TRIM35: variants seen among roughly 807,000 people sequenced by gnomAD.
TRIM35 encodes the protein E3 ubiquitin-protein ligase TRIM35.
In TRIM35, 37 loss-of-function variants were observed where a neutral mutation model predicts 49.1. The observed-to-expected ratio is 0.75, with a 90% CI of 0.58 to 0.99. The LOEUF (loss-of-function observed/expected upper bound fraction) is 0.99. TRIM35 is among the 50% of genes least tolerant of loss of function. The probability of loss-of-function intolerance (pLI) is 0.00; values close to 1 mark genes in which losing one functional copy is unlikely to be tolerated. For synonymous variants in TRIM35, 302 were observed against 289.3 expected (o/e 1.04, Z -0.45); for missense variants, 648 against 702.7 (o/e 0.92, Z 0.88).
chr8:27,296,551 C>T (rs947897603), intron 2 of TRIM35, among the ~76,000 whole-genome samples: 1 of 152,182 alleles, frequency 6.6e-6, no homozygotes, highest in Non-Finnish European at 1.5e-5. Context: ...TTACCCTTAG[C>T]CTCAGCAAAA....
At chr8:27,297,558 C>A (rs1802595143) in intron 2 of TRIM35, among the ~76,000 whole-genome samples, 1 of 152,076 alleles carries the variant, frequency 6.6e-6, no homozygotes, top group African/African-American at 2.4e-5. Flanking sequence ...AGATAACTGG[C>A]AATAGTGTGC....
rs755173988 is a variant in TRIM35, at chr8:27,298,453, C to T, written c.531+11G>A. On this transcript the variant is annotated intron_variant, in intron 2 of 5. Transcript: ENST00000305364. ...ACCCAATCTTCCCACTTGGCCCCATCGTTCGCTCACCTGATTGTGCTTGGC... is the reference window on the plus strand; with the variant it reads ...ACCCAATCTTCCCACTTGGCCCCATTGTTCGCTCACCTGATTGTGCTTGGC... The T allele has an allele frequency of 5.0e-6, 8 of 1,613,666 alleles. 1 individual carries two copies. The East Asian group carries it at 6.7e-5, about 13-fold the overall frequency.
Position 27,294,368 on chromosome 8 carries a change from A to G in TRIM35, c.532-58T>C, listed in dbSNP as rs1410114409. ...GATGTGGAGAGGACATCCATAGCCC[A>G]GCAACTTTCCCATTTTTAGCAAAGG... On this transcript the variant is annotated intron_variant, in intron 2 of 5. Transcript: ENST00000305364. 4.6e-6 allele frequency: 7 copies of G among 1,512,472 alleles called. No individual in the cohort carries two copies. In the Admixed American group the frequency reaches 1.3e-4, roughly 28 times the overall value. The allele number at this position is 1,512,472 out of a possible 1,614,324, so 93.7% of individuals were successfully genotyped here. A position where few individuals can be genotyped will look rare whatever the true frequency, so the allele number is the denominator to read the frequency against.
intron 1 of TRIM35, among the ~76,000 whole-genome samples, chr8:27,304,557 T>C (rs1184990341): frequency 1.3e-5 from 2 of 152,230 alleles, no homozygotes; most frequent in African/African-American, 4.8e-5. Flanking sequence ...TTCTCTTTCC[T>C]GAGGGCAGGT....
intron 2 of TRIM35, among the ~76,000 whole-genome samples, chr8:27,297,557 G>C (rs1802595081): frequency 6.6e-6 from 1 of 152,072 alleles, no homozygotes; most frequent in African/African-American, 2.4e-5. Context: ...TAGATAACTG[G>C]CAATAGTGTG....
intron 1 of TRIM35, 112 bp downstream of exon 1, chr8:27,310,689 C>A (rs1038656423): frequency 4.8e-6 from 6 of 1,258,364 alleles, no homozygotes; most frequent in Non-Finnish European, 1.1e-6. Flanking sequence ...ATGCTGGGAG[C>A]GAGACGCGGG....
At chr8:27,292,614 T>C (rs944786300) in intron 3 of TRIM35, among the ~76,000 whole-genome samples, 8 of 152,232 alleles carry the variant, frequency 5.3e-5, no homozygotes, top group African/African-American at 1.4e-4. Context: ...AGATAGTATG[T>C]AGACTAGTGG....
rs1423633502 is a variant in TRIM35, at chr8:27,294,307, C to G, written c.535G>C (p.Glu179Gln). Residue 179 changes from glutamate (E) to glutamine (Q), a missense_variant, in exon 3 of 6, where the codon GAG becomes CAG. Transcript: ENST00000305364. ...YEAIAKHNQV[E>Q]AAWLEGRIRQ... Reference sequence around the variant, plus strand: ...ATCCGGCCTTCCAGCCATGCAGCCTCCACCTACGGAAGACAGCAGGAGGAG... The same window carrying G: ...ATCCGGCCTTCCAGCCATGCAGCCTGCACCTACGGAAGACAGCAGGAGGAG... 6.2e-7 allele frequency: 1 copy of G among 1,613,260 alleles called. No homozygotes were observed. Among genetic ancestry groups the G allele is most frequent in the Non-Finnish European group, 8.5e-7 (1 of 1,179,856 alleles).
At chr8:27,290,250 A>G in intron 3 of TRIM35, 72 bp from the exon 4 acceptor site, 1 of 1,477,776 alleles carries the variant, frequency 6.8e-7, no homozygotes. Flanking sequence ...TCTGACCTCA[A>G]AAGAAGTCAT....
At chr8:27,290,275 A>AT in intron 3 of TRIM35, 97 bp from the exon 4 acceptor site, 1 of 1,142,270 alleles carries the variant, frequency 8.8e-7, no homozygotes, top group South Asian at 1.3e-5. Context: ...TCCATGGATC[A>AT]TAAGTCTTAA....
At chr8:27,290,099 C>T (rs760097068) in intron 4 of TRIM35, 57 bp downstream of exon 4, 14 of 1,609,358 alleles carry the variant, frequency 8.7e-6, no homozygotes, top group Admixed American at 3.4e-5. Flanking sequence ...CTGGAGTTTG[C>T]ACCCCTGGTA....
Position 27,287,324 on chromosome 8 carries a change from G to C in TRIM35, c.*226C>G, listed in dbSNP as rs1802344503. On this transcript the variant is annotated 3_prime_UTR_variant, in exon 6 of 6. Coordinates refer to ENST00000305364, the MANE Select transcript of TRIM35 (RefSeq NM_171982.5). The surrounding 1 kb of genome is among the most constrained non-coding windows in gnomAD (Gnocchi z 6.0). ...TGTGGAGGTGCCACGACTCGGGAGAGCCTGGCCAGCGAGGTGCCACCCGAA... is the reference window on the plus strand; with the variant it reads ...TGTGGAGGTGCCACGACTCGGGAGACCCTGGCCAGCGAGGTGCCACCCGAA... The C allele has an allele frequency of 3.8e-6, 2 of 526,596 alleles. No individual in the cohort carries two copies. The highest frequency in any genetic ancestry group is 6.7e-6 in the Non-Finnish European group (2 of 299,890). 32.6% of individuals were successfully genotyped at this position (526,596 alleles called of 1,614,324 possible).
At chr8:27,294,015 TA>T (rs1245566506) in intron 3 of TRIM35, 64 bp downstream of exon 3, 26 of 1,529,968 alleles carry the variant, frequency 1.7e-5, no homozygotes, top group Admixed American at 7.2e-5. Flanking sequence ...GCTGGTGGGC[TA>T]TGGCTCCCAG....
chr8:27,298,068 A>G (rs1173788212), intron 2 of TRIM35, among the ~76,000 whole-genome samples: 1 of 152,206 alleles, frequency 6.6e-6, no homozygotes, highest in Non-Finnish European at 1.5e-5. Context: ...GGAGGGTTTT[A>G]CAGAAATAAC....
Position 27,289,164 on chromosome 8 carries a change from G to T in TRIM35, c.902C>A (p.Ser301Tyr). 1.2e-6 allele frequency: 2 copies of T among 1,613,576 alleles called. No individual in the cohort carries two copies. Among genetic ancestry groups the T allele is most frequent in the African/African-American group, 1.3e-5 (1 of 75,040 alleles). Residue 301 changes from serine to tyrosine, a missense_variant and splice_region_variant, in exon 5 of 6, where the codon TCT becomes TAT. By Grantham distance (144) the Ser-to-Tyr change is moderately radical. Coordinates refer to ENST00000305364, the MANE Select transcript of TRIM35 (RefSeq NM_171982.5). ...VWKKMLASVE[S>Y]VPFSFDPNTA... is the part of the protein sequence containing the mutation. ...CACCTGCCGGCACCCCCGCTCACCA[G>T]ATTCCACAGATGCAAGCATCTTCTT...
At chr8:27,288,183 C>G in intron 5 of TRIM35, 56 bp from the exon 6 acceptor site, 2 of 1,501,654 alleles carry the variant, frequency 1.3e-6, no homozygotes, top group Non-Finnish European at 1.8e-6. Context: ...TTAGGCCACA[C>G]GTGGATATCT....
chr8:27,311,257 C>A lies in TRIM35; in HGVS notation c.-22G>T. ...CCATGGCACGAGCAGCCGGCTCGGG[C>A]GCCCGGAACTTTTGCTCCGGCCCCT... On this transcript the variant is annotated 5_prime_UTR_variant, in exon 1 of 6. Coordinates refer to ENST00000305364, the MANE Select transcript of TRIM35 (RefSeq NM_171982.5). 1.4e-6 allele frequency: 2 copies of A among 1,481,364 alleles called. No homozygotes were observed. The highest frequency in any genetic ancestry group is 1.4e-5 in the African/African-American group (1 of 71,496). 91.8% of individuals were successfully genotyped at this position (1,481,364 alleles called of 1,614,324 possible).
At chr8:27,290,417 T>C (rs1802429404) in intron 3 of TRIM35, among the ~76,000 whole-genome samples, 1 of 152,214 alleles carries the variant, frequency 6.6e-6, no homozygotes, top group Non-Finnish European at 1.5e-5. Context: ...GATTGGGTCA[T>C]GAGGGCAGAG....
intron 2 of TRIM35, 66 bp from the exon 3 acceptor site, chr8:27,294,376 T>C: frequency 6.7e-7 from 1 of 1,483,138 alleles, no homozygotes; most frequent in Non-Finnish European, 9.0e-7. Context: ...CCAGCAACTT[T>C]CCCATTTTTA....
Sources: gnomAD v4.1 joint callset for allele counts (sites outside exome capture counted in the v4.1 genomes callset) on GRCh38, gnomAD v4.1.1 for gene constraint, Gnocchi (gnomAD v3.1) non-coding constraint, MANE v1.5 for transcripts, NCBI Gene and HGNC (gene_info 2026-07-23, HGNC 2026-07-21) for gene names.